GPRC5B: variants seen among roughly 807,000 people sequenced by gnomAD.
GPRC5B encodes the protein G protein-coupled receptor family C group 5 member B.
A neutral mutation model predicts 30.1 loss-of-function variants in GPRC5B; 16 were observed. The ratio of observed to expected loss-of-function variants is 0.53; its 90% CI spans 0.36 to 0.81. GPRC5B has a LOEUF of 0.81. Among genes scored for constraint, GPRC5B ranks in the 30% least tolerant of loss-of-function variants. GPRC5B has a pLI of 0.01. For synonymous variants in GPRC5B, 241 were observed against 239.5 expected (o/e 1.01, Z -0.06); for missense variants, 428 against 544.7 (o/e 0.79, Z 2.13).
chr16:19,878,225 A>AAACAAAC (rs531569318), intron 1 of GPRC5B, among the ~76,000 whole-genome samples: 1 of 149,712 alleles, frequency 6.7e-6, no homozygotes, highest in Non-Finnish European at 1.5e-5. Flanking sequence ...ACAAACAAAC[A>AAACAAAC]AAAAAACCCA....
chr16:19,861,918 G>A lies in GPRC5B; in HGVS notation c.1086C>T (p.Ser362=). ...ACGGAGCGCTGGGTCTTTTCCCCAA[G>A]CTGCCACTGGGTCTTTTTCCCAAGC... ...NGSLGKRPSG[S]LGKRPSAPFR... The change falls in exon 3 of 4, where the codon AGC becomes AGT. Residue 362 remains serine, a synonymous_variant. Coordinates refer to ENST00000300571, the MANE Select transcript of GPRC5B (RefSeq NM_016235.3). 1 of 1,613,154 alleles carries A rather than the reference G, an allele frequency of 6.2e-7. No individual in the cohort carries two copies. The highest frequency in any genetic ancestry group is 8.5e-7 in the Non-Finnish European group (1 of 1,179,276).
At chr16:19,873,039 C>A (rs1421456112) in intron 1 of GPRC5B, among the ~76,000 whole-genome samples, 193 bp from the exon 2 acceptor site, 1 of 152,142 alleles carries the variant, frequency 6.6e-6, no homozygotes, top group African/African-American at 2.4e-5. Context: ...GTACCCTTGG[C>A]TGGGTGCAGT....
intron 2 of GPRC5B, among the ~76,000 whole-genome samples, chr16:19,870,186 TC>T (rs1030678995): frequency 3.3e-5 from 5 of 152,212 alleles, no homozygotes; most frequent in African/African-American, 1.2e-4. Flanking sequence ...GCATATGTCC[TC>T]AGAGGATTCC....
intron 2 of GPRC5B, among the ~76,000 whole-genome samples, chr16:19,864,994 T>C (rs2141140114): frequency 6.9e-6 from 1 of 145,636 alleles, no homozygotes; most frequent in South Asian, 2.2e-4. Context: ...AGCCTCGACC[T>C]CCGTAGCTCA....
At position 19,857,745 on chromosome 16, in the gene GPRC5B, TA is replaced by T. The variant is rs397937342; in HGVS notation, c.*2754del. 0.19 allele frequency: 18,505 copies of T among 98,596 alleles called. 1,461 individuals are homozygous for T. The highest frequency in any genetic ancestry group is 0.29 in the African/African-American group (7,853 of 27,072). 6.1% of individuals were successfully genotyped at this position (98,596 alleles called of 1,614,324 possible). ...CAGTGGGTCCTGACGGCATCTGGGCTAAAAAAAAAAAAAAAAAAAAGCACTG... is the reference window on the plus strand; with the variant it reads ...CAGTGGGTCCTGACGGCATCTGGGCTAAAAAAAAAAAAAAAAAAAGCACTG... On this transcript the variant is annotated 3_prime_UTR_variant, in exon 4 of 4. Coordinates refer to ENST00000300571, the MANE Select transcript of GPRC5B (RefSeq NM_016235.3).
chr16:19,871,383 A>G (rs757581719), intron 2 of GPRC5B, among the ~76,000 whole-genome samples: 8 of 151,786 alleles, frequency 5.3e-5, no homozygotes, highest in Non-Finnish European at 7.4e-5. Context: ...GCACTTTGGG[A>G]GGCCGAGGTG....
chr16:19,863,491 CTTTTTTT>C (rs10541805), intron 2 of GPRC5B, among the ~76,000 whole-genome samples: 4 of 82,268 alleles, frequency 4.9e-5, no homozygotes, highest in Admixed American at 1.5e-4. Flanking sequence ...AATCTGTGTT[CTTTTTTT>C]TTTTTTTTTT....
chr16:19,872,484 A>G lies in GPRC5B; in HGVS notation c.362T>C (p.Ile121Thr). The part of the protein sequence containing the change: ...FAFIIQEDET[I>T]CSVRRFLWGV... ...CCAGAGGAAGCGGCGGACAGAGCAG[A>G]TGGTCTCGTCCTCCTGGATGATGAA... The change falls in exon 2 of 4, where the codon ATC becomes ACC. Residue 121 changes from isoleucine to threonine, a missense_variant. By Grantham distance (89) the Ile-to-Thr change is moderately conservative. Transcript: ENST00000300571. This position sits in a 1 kb window ranked among gnomAD's most constrained non-coding sequence, Gnocchi z 5.0. 1.9e-6 allele frequency: 3 copies of G among 1,613,928 alleles called. No individual in the cohort carries two copies. The highest frequency in any genetic ancestry group is 2.5e-6 in the Non-Finnish European group (3 of 1,179,862).
At position 19,869,333 on chromosome 16, in the gene GPRC5B, CAAAA is replaced by C. The variant is rs35252104; in HGVS notation, c.1030+2479_1030+2482del. Among the ~76,000 whole-genome samples the C allele has an allele frequency of 9.7e-5, 6 of 61,986 alleles. No homozygotes were observed. In the South Asian group the frequency reaches 1.9e-3, roughly 19 times the overall value. 40.7% of individuals were successfully genotyped at this position (61,986 alleles called of 152,430 possible). ...TGGGTGACAGAGTGAGACTCTGCCTCAAAAAAAAAAAAAAAAAAAAGACAGATTC... is the reference window on the plus strand; with the variant it reads ...TGGGTGACAGAGTGAGACTCTGCCTCAAAAAAAAAAAAAAAAGACAGATTC... On this transcript the variant is annotated intron_variant, in intron 2 of 3. Coordinates refer to ENST00000300571, the MANE Select transcript of GPRC5B (RefSeq NM_016235.3).
At chr16:19,884,674 G>T (rs1049173221) in intron 1 of GPRC5B, 53 bp downstream of exon 1, 1 of 984,024 alleles carries the variant, frequency 1.0e-6, no homozygotes, top group African/African-American at 1.7e-5. Flanking sequence ...GGCGGGAAAA[G>T]TTTCTGGGGT....
intron 2 of GPRC5B, 121 bp from the exon 3 acceptor site, chr16:19,862,094 C>G: frequency 1.3e-6 from 1 of 783,070 alleles, no homozygotes; most frequent in Non-Finnish European, 2.1e-6. Flanking sequence ...TGGCTCCTCC[C>G]CTTTGTCACA....
At chr16:19,867,576 G>A (rs546289096) in intron 2 of GPRC5B, among the ~76,000 whole-genome samples, 1 of 152,262 alleles carries the variant, frequency 6.6e-6, no homozygotes, top group South Asian at 2.1e-4. Context: ...CAACACACTG[G>A]TTCTTCACCT....
Position 19,884,712 on chromosome 16 carries a change from G to T in GPRC5B, c.-2+15C>A, listed in dbSNP as rs1469903809. On this transcript the variant is annotated intron_variant, in intron 1 of 3. Transcript: ENST00000300571. ...CCACAGCGTCCTCCACTGCATCGGC[G>T]CAGCTCGCACTTACCGACCCCCGCG... 1 of 984,982 alleles carries T rather than the reference G, an allele frequency of 1.0e-6. No homozygotes were observed. Among genetic ancestry groups the T allele is most frequent in the Non-Finnish European group, 1.2e-6 (1 of 829,828 alleles). 61.0% of individuals were successfully genotyped at this position (984,982 alleles called of 1,614,324 possible). A position where few individuals can be genotyped will look rare whatever the true frequency, so the allele number is the denominator to read the frequency against.
In GPRC5B at chr16:19,858,648, C is replaced by T. The variant is rs2056594358; in HGVS notation, c.*1852G>A. 1.9e-6 allele frequency: 1 copy of T among 532,414 alleles called. No homozygotes were observed. Among genetic ancestry groups the T allele is most frequent in the South Asian group, 2.7e-5 (1 of 37,228 alleles). 33.0% of individuals were successfully genotyped at this position (532,414 alleles called of 1,614,324 possible). A position where few individuals can be genotyped will look rare whatever the true frequency, so the allele number is the denominator to read the frequency against. On this transcript the variant is annotated 3_prime_UTR_variant, in exon 4 of 4. Transcript: ENST00000300571. ...ATACCGGGTCCGCATGCAACCGCCCCCACCCCCACCCCAGGTCCTAGCTTC... is the reference window on the plus strand; with the variant it reads ...ATACCGGGTCCGCATGCAACCGCCCTCACCCCCACCCCAGGTCCTAGCTTC...
intron 2 of GPRC5B, among the ~76,000 whole-genome samples, chr16:19,866,451 G>A (rs774892126): frequency 3.3e-5 from 5 of 152,032 alleles, no homozygotes; most frequent in East Asian, 3.9e-4. Context: ...CTGCCTCCCC[G>A]GTTCAAGCGA....
In GPRC5B at chr16:19,857,577, T is replaced by C. The variant is rs1337101456; in HGVS notation, c.*2923A>G. The C allele has an allele frequency of 1.1e-5, 4 of 360,124 alleles. No individual in the cohort carries two copies. Among genetic ancestry groups the C allele is most frequent in the Non-Finnish European group, 2.1e-5 (4 of 191,326 alleles). 22.3% of individuals were successfully genotyped at this position (360,124 alleles called of 1,614,324 possible). A position where few individuals can be genotyped will look rare whatever the true frequency, so the allele number is the denominator to read the frequency against. On this transcript the variant is annotated 3_prime_UTR_variant, in exon 4 of 4. Transcript: ENST00000300571. The stretch of plus-strand genomic sequence containing the variant: ...TCTTCATCAGTTAATAAAAAGCACC[T>C]GCTGAGAACTCCTGTAAGCTGGTAT...
rs1418321116 is a variant in GPRC5B at position 19,862,009 on chromosome 16, A to G, written c.1031-36T>C. On this transcript the variant is annotated intron_variant, in intron 2 of 3. Coordinates refer to ENST00000300571, the MANE Select transcript of GPRC5B (RefSeq NM_016235.3). ...GAGGGATTGGCAAGACAACATTGCCAAAAAAAAGACACAATTTTGTTTTCT... is the reference window on the plus strand; with the variant it reads ...GAGGGATTGGCAAGACAACATTGCCGAAAAAAAGACACAATTTTGTTTTCT... 5.0e-6 allele frequency: 8 copies of G among 1,589,580 alleles called. No individual in the cohort carries two copies. In the Admixed American group the frequency reaches 6.8e-5, roughly 13 times the overall value.
intron 2 of GPRC5B, among the ~76,000 whole-genome samples, chr16:19,863,324 A>C (rs2056641543): frequency 1.3e-5 from 2 of 151,586 alleles, no homozygotes; most frequent in South Asian, 4.2e-4. Context: ...TGCGTGGCTA[A>C]TTTTTTAATA....
In GPRC5B at chr16:19,857,593, A is replaced by C; in HGVS notation, c.*2907T>G. ...AAAAGCACCTGCTGAGAACTCCTGT[A>C]AGCTGGTATCATCATTGCATCATTG... On this transcript the variant is annotated 3_prime_UTR_variant, in exon 4 of 4. Coordinates refer to ENST00000300571, the MANE Select transcript of GPRC5B (RefSeq NM_016235.3). 1 of 348,704 alleles carries C rather than the reference A, an allele frequency of 2.9e-6. No homozygotes were observed. The allele number at this position is 348,704 out of a possible 1,614,324, so 21.6% of individuals were successfully genotyped here.
Sources: gnomAD v4.1 joint callset for allele counts (sites outside exome capture counted in the v4.1 genomes callset) on GRCh38, gnomAD v4.1.1 for gene constraint, Gnocchi (gnomAD v3.1) non-coding constraint, MANE v1.5 for transcripts, NCBI Gene and HGNC (gene_info 2026-07-23, HGNC 2026-07-21) for gene names.